The following ROS1 variants were observed in gnomAD, a reference collection of about 807,000 sequenced individuals.
ROS1 encodes the protein ROS proto-oncogene 1, receptor tyrosine kinase, also known as proto-oncogene tyrosine-protein kinase ROS.
In ROS1, 263 loss-of-function variants were observed where a neutral mutation model predicts 273.5. That is an observed-to-expected ratio of 0.96 (90% CI 0.87 to 1.06). ROS1 has a LOEUF of 1.06. Ranked by LOEUF, ROS1 falls within the 50% of genes least tolerant of loss-of-function variation. ROS1 has a pLI of 0.00. For missense variants in ROS1, 2,833 were observed against 2,751.1 expected, an observed-to-expected ratio of 1.03 and a Z score of -0.67; for synonymous variants, 1,008 against 954.1, an observed-to-expected ratio of 1.06 and a Z score of -1.04.
intron 17 of ROS1, among the ~76,000 whole-genome samples, chr6:117,383,107 T>C (rs892461764): frequency 2.0e-5 from 3 of 152,082 alleles, no homozygotes; most frequent in African/African-American, 7.2e-5. Flanking sequence ...ACATAATCAC[T>C]TATCACCATC....
At chr6:117,393,117 C>T (rs1582831836) in intron 12 of ROS1, 107 bp downstream of exon 12, 2 of 745,680 alleles carry the variant, frequency 2.7e-6, no homozygotes, top group East Asian at 2.5e-5. Flanking sequence ...AAGTAAGATG[C>T]ATAGATAGGC....
intron 17 of ROS1, among the ~76,000 whole-genome samples, chr6:117,379,525 C>A (rs1274033251): frequency 6.6e-6 from 1 of 152,088 alleles, no homozygotes; most frequent in African/African-American, 2.4e-5. Flanking sequence ...AAATGTTGAG[C>A]CTGTGTCAAG....
chr6:117,404,989 G>A (rs1302850896), intron 5 of ROS1, among the ~76,000 whole-genome samples: 1 of 152,134 alleles, frequency 6.6e-6, no homozygotes, highest in Non-Finnish European at 1.5e-5. Context: ...ATTACAATTG[G>A]CAGCAATTTC....
At chr6:117,423,580 A>T (rs1329880862) in intron 1 of ROS1, among the ~76,000 whole-genome samples, 1 of 152,204 alleles carries the variant, frequency 6.6e-6, no homozygotes, top group Non-Finnish European at 1.5e-5. Context: ...GTACATGCAG[A>T]TCTCTGTTAA....
At chr6:117,351,775 T>C (rs1562302686) in intron 27 of ROS1, among the ~76,000 whole-genome samples, 1 of 152,278 alleles carries the variant, frequency 6.6e-6, no homozygotes, top group East Asian at 1.9e-4. Flanking sequence ...CTTTTACTTG[T>C]TTTTGGGTGG....
intron 31 of ROS1, among the ~76,000 whole-genome samples, chr6:117,337,842 C>T (rs1000153): frequency 0.2 from 30,483 of 151,908 alleles, 3,117 homozygotes; most frequent in South Asian, 0.26. Context: ...CTCCTAACAC[C>T]CTCTTCAGAC....
chr6:117,329,182 AG>A (rs1277989836), intron 33 of ROS1, 146 bp downstream of exon 33: 1 of 597,584 alleles, frequency 1.7e-6, no homozygotes. Flanking sequence ...AATTGAGCAA[AG>A]AACGTAATGA....
rs1582749257 is a variant in ROS1 at position 117,365,451 on chromosome 6, C to T, written c.2958+130G>A. 3 of 848,868 alleles carry T rather than the reference C, an allele frequency of 3.5e-6. No homozygotes were observed. In the East Asian group the frequency reaches 7.7e-5, roughly 22 times the overall value. 52.6% of individuals were successfully genotyped at this position (848,868 alleles called of 1,614,324 possible). A position where few individuals can be genotyped will look rare whatever the true frequency, so the allele number is the denominator to read the frequency against. ...GTCTTCTGGGGAATAATCTTAATGA[C>T]CAAATGCTATGGGAATGACAAAGAA... is the stretch of plus-strand genomic sequence containing the variant. On this transcript the variant is annotated intron_variant, in intron 20 of 43. Transcript: ENST00000368507.
chr6:117,382,306 C>T (rs1224280018), intron 17 of ROS1, among the ~76,000 whole-genome samples: 1 of 152,010 alleles, frequency 6.6e-6, no homozygotes, highest in Non-Finnish European at 1.5e-5. Context: ...AATCAGGTCT[C>T]TTTAAATATC....
intron 36 of ROS1, among the ~76,000 whole-genome samples, chr6:117,320,311 G>A (rs78240410): frequency 0.095 from 14,519 of 152,126 alleles, 874 homozygotes; most frequent in Middle Eastern, 0.14. Context: ...CACTTTTATT[G>A]TAGCTTGTTG....
intron 43 of ROS1, among the ~76,000 whole-genome samples, chr6:117,295,831 C>T (rs1344149514): frequency 6.6e-6 from 1 of 152,160 alleles, no homozygotes; most frequent in Non-Finnish European, 1.5e-5. Context: ...ATTGAAAAGA[C>T]AGGCAAGACA....
At chr6:117,365,794 C>T (rs1562320694) in intron 19 of ROS1, 53 bp from the exon 20 acceptor site, 2 of 1,335,946 alleles carry the variant, frequency 1.5e-6, no homozygotes, top group Non-Finnish European at 2.0e-6. Flanking sequence ...GGATTATTGA[C>T]CAATATAGAA....
chr6:117,349,286 A>G (rs548158683), intron 27 of ROS1, among the ~76,000 whole-genome samples: 4 of 152,126 alleles, frequency 2.6e-5, no homozygotes, highest in South Asian at 4.1e-4. Flanking sequence ...AAGGATTATT[A>G]CATCTTCTTG....
At chr6:117,334,371 C>T (rs1252761878) in intron 32 of ROS1, among the ~76,000 whole-genome samples, 1 of 152,176 alleles carries the variant, frequency 6.6e-6, no homozygotes, top group African/African-American at 2.4e-5. Flanking sequence ...GAAAAACATT[C>T]CATCCCCATG....
At chr6:117,312,564 C>G (rs1309076620) in intron 39 of ROS1, among the ~76,000 whole-genome samples, 2 of 152,112 alleles carry the variant, frequency 1.3e-5, no homozygotes, top group East Asian at 3.9e-4. Flanking sequence ...TTGACAAAAC[C>G]TACTCTACCT....
At chr6:117,330,203 G>A (rs1302871552) in intron 32 of ROS1, among the ~76,000 whole-genome samples, 3 of 152,260 alleles carry the variant, frequency 2.0e-5, no homozygotes, top group Non-Finnish European at 4.4e-5. Flanking sequence ...AGCTGTGGTA[G>A]TCAGCGGCCA....
chr6:117,355,229 C>G (rs1562307117), intron 26 of ROS1, among the ~76,000 whole-genome samples: 9 of 152,160 alleles, frequency 5.9e-5, no homozygotes. Context: ...AAGAAAAGGT[C>G]TTTGTCACAG....
chr6:117,376,175 T>G lies in ROS1; in HGVS notation c.2582+2884A>C, dbSNP rs2128679664. On this transcript the variant is annotated intron_variant, in intron 18 of 43. Transcript: ENST00000368507. ...AGTGATCAAGAAAAAAATGTACCAA[T>G]AGCAGAAGTATAAAAGGATATCACG... is the stretch of plus-strand genomic sequence containing the variant. Among the ~76,000 whole-genome samples, 4 of 152,162 alleles carry G rather than the reference T, an allele frequency of 2.6e-5. No homozygotes were observed. The South Asian group carries it at 8.3e-4, about 32-fold the overall frequency.
In ROS1 at chr6:117,383,461, G is replaced by A. The variant is rs532316698; in HGVS notation, c.2337C>T (p.His779=). ...CCATGTCATTCACCAATAGCTTCAC[G>A]TGGGTAACAATGTCTGTGTGTCCCG... ...VLTGHTDIVT[H]VKLLVNDMVV... is the part of the protein sequence containing the mutation. Residue 779 remains histidine (H), a synonymous_variant, in exon 17 of 44, where the codon CAC becomes CAT. Coordinates refer to ENST00000368507, the MANE Select transcript of ROS1 (RefSeq NM_001378902.1). 11 of 1,614,042 alleles carry A rather than the reference G, an allele frequency of 6.8e-6. No homozygotes were observed. In the East Asian group the frequency reaches 1.1e-4, roughly 16 times the overall value.
Sources: gnomAD v4.1 joint callset for allele counts (sites outside exome capture counted in the v4.1 genomes callset) on GRCh38, gnomAD v4.1.1 for gene constraint, MANE v1.5 for transcripts, NCBI Gene and HGNC (gene_info 2026-07-23, HGNC 2026-07-21) for gene names.